CACNB4: variants seen among roughly 807,000 people sequenced by gnomAD.
The protein encoded by CACNB4 is voltage-dependent L-type calcium channel subunit beta-4.
CACNB4 carries 32 observed loss-of-function variants against 71.2 expected under a neutral mutation model. The ratio of observed to expected loss-of-function variants is 0.45; its 90% CI spans 0.34 to 0.60. CACNB4 has a LOEUF of 0.60. Among genes scored for constraint, CACNB4 ranks in the 20% least tolerant of loss-of-function variants. The pLI is 0.01. For synonymous variants in CACNB4, 231 were observed against 236.9 expected (o/e 0.97, Z 0.23); for missense variants, 464 against 647.9 (o/e 0.72, Z 3.08).
At chr2:152,033,534 C>T (rs966666112) in intron 2 of CACNB4, among the ~76,000 whole-genome samples, 15 of 152,132 alleles carry the variant, frequency 9.9e-5, no homozygotes, top group Non-Finnish European at 7.4e-5. Flanking sequence ...CCATTTAAGG[C>T]GAGAGGCAGA....
intron 2 of CACNB4, among the ~76,000 whole-genome samples, chr2:151,946,718 G>A (rs991813241): frequency 6.6e-6 from 1 of 152,122 alleles, no homozygotes; most frequent in Non-Finnish European, 1.5e-5. Flanking sequence ...CAATGGGGTG[G>A]AAAGCAGGGC....
intron 2 of CACNB4, among the ~76,000 whole-genome samples, chr2:151,931,856 C>T (rs183518871): frequency 9.2e-5 from 14 of 152,098 alleles, no homozygotes; most frequent in Middle Eastern, 3.4e-3. Flanking sequence ...AGTAAGTTAA[C>T]GACTAAAAAA....
At chr2:151,974,763 T>C (rs1332679690) in intron 2 of CACNB4, among the ~76,000 whole-genome samples, 2 of 150,246 alleles carry the variant, frequency 1.3e-5, no homozygotes, top group African/African-American at 5.0e-5. Flanking sequence ...AGGTCCCACA[T>C]TGCAGCAGCC....
chr2:152,048,667 G>T (rs779166873), intron 2 of CACNB4: 10 of 152,400 alleles, frequency 6.6e-5, no homozygotes, highest in South Asian at 6.2e-4. Flanking sequence ...TGTCCCTCAG[G>T]ACCTGGCCTG....
At chr2:151,905,729 A>G (rs1242143837) in intron 2 of CACNB4, among the ~76,000 whole-genome samples, 1 of 152,252 alleles carries the variant, frequency 6.6e-6, no homozygotes, top group Non-Finnish European at 1.5e-5. Context: ...ATGACCAGCG[A>G]GCTTGACAGC....
intron 2 of CACNB4, among the ~76,000 whole-genome samples, chr2:151,994,813 C>CT (rs112475259): frequency 0.012 from 1,775 of 151,656 alleles, 27 homozygotes; most frequent in African/African-American, 0.039. Flanking sequence ...TTCTTTCTTT[C>CT]TTTTTTTCTT....
intron 2 of CACNB4, among the ~76,000 whole-genome samples, chr2:151,966,793 G>A (rs1370181850): frequency 1.3e-5 from 2 of 152,220 alleles, no homozygotes; most frequent in East Asian, 3.9e-4. Flanking sequence ...AGCATATTTA[G>A]TTACTGAAAC....
chr2:151,925,135 A>G (rs1276363544), intron 2 of CACNB4, among the ~76,000 whole-genome samples: 1 of 152,236 alleles, frequency 6.6e-6, no homozygotes, highest in Non-Finnish European at 1.5e-5. Flanking sequence ...CATAAAAGCC[A>G]TTAAACAGTG....
intron 12 of CACNB4, among the ~76,000 whole-genome samples, chr2:151,845,749 G>C (rs2099837404): frequency 2.6e-5 from 4 of 152,174 alleles, no homozygotes; most frequent in Admixed American, 2.6e-4. Context: ...TCAAAGCATG[G>C]CCACAGGGAA....
At chr2:152,033,578 A>G (rs1472825166) in intron 2 of CACNB4, among the ~76,000 whole-genome samples, 3 of 152,172 alleles carry the variant, frequency 2.0e-5, no homozygotes, top group Admixed American at 6.5e-5. Context: ...CATTTCCAAA[A>G]AGGAAACCGG....
At chr2:152,074,765 C>G (rs1686916732) in intron 2 of CACNB4, among the ~76,000 whole-genome samples, 1 of 151,456 alleles carries the variant, frequency 6.6e-6, no homozygotes, top group South Asian at 2.1e-4. Flanking sequence ...CCATCACCTT[C>G]ACCTCCACCC....
intron 12 of CACNB4, among the ~76,000 whole-genome samples, chr2:151,849,423 C>T (rs541051152): frequency 3.9e-5 from 6 of 152,178 alleles, no homozygotes; most frequent in African/African-American, 1.4e-4. Flanking sequence ...TAAAAATTTC[C>T]TTTTAGAGAC....
intron 4 of CACNB4, among the ~76,000 whole-genome samples, chr2:151,876,825 TTA>T (rs1438373787): frequency 9.4e-6 from 1 of 106,826 alleles, no homozygotes; most frequent in African/African-American, 3.2e-5. Flanking sequence ...ACTATACATT[TTA>T]TATAAACTAT....
chr2:152,076,323 T>G (rs572345100), intron 2 of CACNB4, among the ~76,000 whole-genome samples: 35 of 149,946 alleles, frequency 2.3e-4, no homozygotes, highest in Admixed American at 1.4e-3. Context: ...TTGGGTTTTT[T>G]TTTTTTTTTT....
chr2:151,847,431 G>A (rs189629491), intron 12 of CACNB4, among the ~76,000 whole-genome samples: 7 of 152,170 alleles, frequency 4.6e-5, no homozygotes, highest in Non-Finnish European at 7.4e-5. Context: ...AAAATCAAAC[G>A]GCTGAATGGT....
intron 2 of CACNB4, among the ~76,000 whole-genome samples, chr2:151,976,078 C>T (rs2099873738): frequency 6.6e-6 from 1 of 152,228 alleles, no homozygotes; most frequent in South Asian, 2.1e-4. Flanking sequence ...TACCCTAATG[C>T]ATGCAGTCAG....
chr2:151,957,257 C>CATGTGTGTGT (rs1553791573), intron 2 of CACNB4, among the ~76,000 whole-genome samples: 1 of 131,788 alleles, frequency 7.6e-6, no homozygotes, highest in African/African-American at 2.8e-5. Context: ...AGTGGCTGGG[C>CATGTGTGTGT]GTGTGTGTGT....
intron 2 of CACNB4, among the ~76,000 whole-genome samples, chr2:151,959,231 A>G (rs1235479935): frequency 6.6e-6 from 1 of 152,244 alleles, no homozygotes; most frequent in Non-Finnish European, 1.5e-5. Context: ...CCGGAAGTCA[A>G]TCTGGAACTT....
chr2:151,998,578 G>A (rs932121855), intron 2 of CACNB4, among the ~76,000 whole-genome samples: 1 of 152,158 alleles, frequency 6.6e-6, no homozygotes, highest in Non-Finnish European at 1.5e-5. Context: ...GATGAAAGAT[G>A]TGGAAATGAT....
Sources: gnomAD v4.1 joint callset for allele counts (sites outside exome capture counted in the v4.1 genomes callset) on GRCh38, gnomAD v4.1.1 for gene constraint, MANE v1.5 for transcripts, NCBI Gene and HGNC (gene_info 2026-07-23, HGNC 2026-07-21) for gene names.